LMBR1: variants seen among roughly 807,000 people sequenced by gnomAD.
LMBR1 encodes the protein limb development membrane protein 1, also known as limb region 1 protein homolog.
In LMBR1, 52 loss-of-function variants were observed where a neutral mutation model predicts 73.9. That is an observed-to-expected ratio of 0.70 (90% confidence interval 0.56 to 0.89). The LOEUF is 0.89. LMBR1 is among the 40% of genes least tolerant of loss of function. LMBR1 has a pLI of 0.00. For missense variants in LMBR1, 539 were observed against 579.8 expected (o/e 0.93, Z 0.72); for synonymous variants, 215 against 209.4 (o/e 1.03, Z -0.23).
At chr7:156,771,119 G>T (rs1328699958) in intron 5 of LMBR1, among the ~76,000 whole-genome samples, 1 of 151,214 alleles carries the variant, frequency 6.6e-6, no homozygotes, top group East Asian at 2.0e-4. Flanking sequence ...ATTTTAAAAA[G>T]AATACCAAGT....
intron 3 of LMBR1, among the ~76,000 whole-genome samples, chr7:156,827,435 C>A (rs1011519195): frequency 2.0e-5 from 3 of 151,958 alleles, no homozygotes; most frequent in African/African-American, 7.2e-5. Flanking sequence ...TCTCCCCCCA[C>A]CAAATGCATA....
chr7:156,780,983 G>C (rs982858813), intron 5 of LMBR1, among the ~76,000 whole-genome samples: 1 of 152,154 alleles, frequency 6.6e-6, no homozygotes, highest in Non-Finnish European at 1.5e-5. Context: ...TTCTTTTACT[G>C]GAACGTTAGT....
intron 5 of LMBR1, among the ~76,000 whole-genome samples, chr7:156,777,092 C>T (rs1826291583): frequency 6.6e-6 from 1 of 152,088 alleles, no homozygotes; most frequent in African/African-American, 2.4e-5. Flanking sequence ...CCACCACGCC[C>T]AGCTAATATT....
At chr7:156,858,041 A>G (rs1343976426) in intron 1 of LMBR1, among the ~76,000 whole-genome samples, 1 of 150,974 alleles carries the variant, frequency 6.6e-6, no homozygotes, top group African/African-American at 2.4e-5. Context: ...GGAAACTAGA[A>G]AAAAAAAGAG....
intron 1 of LMBR1, among the ~76,000 whole-genome samples, chr7:156,843,566 C>T (rs905086406): frequency 1.3e-5 from 2 of 152,132 alleles, no homozygotes; most frequent in African/African-American, 4.8e-5. Context: ...CCAGGGAAGG[C>T]TGGGTGCAGT....
chr7:156,693,467 C>G (rs528404267), intron 15 of LMBR1, among the ~76,000 whole-genome samples: 2 of 152,046 alleles, frequency 1.3e-5, no homozygotes, highest in African/African-American at 4.8e-5. Context: ...AAGAGATATT[C>G]CAACAAATGA....
chr7:156,811,725 A>G (rs992701420), intron 4 of LMBR1, among the ~76,000 whole-genome samples: 4 of 152,196 alleles, frequency 2.6e-5, no homozygotes, highest in Non-Finnish European at 4.4e-5. Context: ...GCCTTCTGTG[A>G]GTATGTTGCA....
intron 9 of LMBR1, among the ~76,000 whole-genome samples, chr7:156,735,599 T>C (rs1343041643): frequency 6.8e-6 from 1 of 147,362 alleles, no homozygotes; most frequent in Non-Finnish European, 1.5e-5. Context: ...GACTGGGAGG[T>C]TCTGTTTGCT....
At chr7:156,671,322 C>T (rs1311365719) in intron 4 of LMBR1, among the ~76,000 whole-genome samples, 1 of 152,084 alleles carries the variant, frequency 6.6e-6, no homozygotes, top group African/African-American at 2.4e-5. Flanking sequence ...CCTGAAAACG[C>T]GAACAGTGTG....
At chr7:156,789,129 T>C (rs113394675) in intron 5 of LMBR1, among the ~76,000 whole-genome samples, 4,847 of 152,306 alleles carry the variant, frequency 0.032, 123 homozygotes, top group South Asian at 0.085. Flanking sequence ...AGAATAAATG[T>C]TTTCCATAAA....
intron 10 of LMBR1, chr7:156,733,754 GA>G (rs1332371154): frequency 6.6e-6 from 1 of 152,438 alleles, no homozygotes; most frequent in Non-Finnish European, 1.5e-5. Flanking sequence ...CAAATTAGTT[GA>G]AAACTATAAC....
intron 4 of LMBR1, among the ~76,000 whole-genome samples, 195 bp from the exon 5 acceptor site, chr7:156,796,687 G>T (rs1830100648): frequency 6.6e-6 from 1 of 152,080 alleles, no homozygotes; most frequent in Non-Finnish European, 1.5e-5. Context: ...ATTGGGAAAA[G>T]TCAGTATAGA....
At chr7:156,713,008 T>C (rs1183588512) in intron 15 of LMBR1, among the ~76,000 whole-genome samples, 2 of 152,166 alleles carry the variant, frequency 1.3e-5, no homozygotes, top group Non-Finnish European at 1.5e-5. Flanking sequence ...TGTAAATTTA[T>C]ACAAAAATAA....
At chr7:156,856,949 T>C (rs1797061824) in intron 1 of LMBR1, among the ~76,000 whole-genome samples, 1 of 151,006 alleles carries the variant, frequency 6.6e-6, no homozygotes, top group Admixed American at 6.6e-5. Context: ...TATGTGAAAG[T>C]GAAGGTAGAT....
At chr7:156,706,194 T>C (rs567858459) in intron 15 of LMBR1, among the ~76,000 whole-genome samples, 35 of 144,360 alleles carry the variant, frequency 2.4e-4, no homozygotes, top group Admixed American at 4.8e-4. Flanking sequence ...CATTATATAA[T>C]GATAAAGGGA....
rs1222277703 is a variant in LMBR1 at position 156,670,981 on chromosome 7, C to A, written n.867-1694G>T. On this transcript the variant is annotated intron_variant and non_coding_transcript_variant, in intron 4 of 4. Transcript: ENST00000430825. This position sits in a 1 kb window ranked among gnomAD's most constrained non-coding sequence, Gnocchi z 4.3. ...GTTAAAAGAGAGAGAGAGCTTATGA[C>A]AAAAATAACATAAAGCAGGAGAGGA... Among the ~76,000 whole-genome samples the A allele has an allele frequency of 6.6e-6, 1 of 152,088 alleles. No homozygotes were observed. Among genetic ancestry groups the A allele is most frequent in the Non-Finnish European group, 1.5e-5 (1 of 68,016 alleles).
intron 4 of LMBR1, among the ~76,000 whole-genome samples, chr7:156,797,612 G>T (rs1319317321): frequency 6.6e-6 from 1 of 152,236 alleles, no homozygotes; most frequent in Non-Finnish European, 1.5e-5. Flanking sequence ...GGCACAGGGA[G>T]CAGAGCCGTC....
At chr7:156,736,258 A>G (rs1471387223) in intron 9 of LMBR1, among the ~76,000 whole-genome samples, 1 of 152,230 alleles carries the variant, frequency 6.6e-6, no homozygotes, top group Non-Finnish European at 1.5e-5. Context: ...AGGGCAATAG[A>G]TGCTTGTAGC....
At chr7:156,798,365 G>A (rs1254885040) in intron 4 of LMBR1, among the ~76,000 whole-genome samples, 6 of 152,106 alleles carry the variant, frequency 3.9e-5, no homozygotes, top group South Asian at 2.1e-4. Context: ...CTCCAGGCTC[G>A]CTTGCTAGTT....
Sources: allele counts gnomAD v4.1 joint callset (sites outside exome capture counted in the v4.1 genomes callset), GRCh38; gene constraint gnomAD v4.1.1; non-coding constraint Gnocchi (gnomAD v3.1); transcripts MANE v1.5; gene names NCBI Gene and HGNC (gene_info 2026-07-23, HGNC 2026-07-21).